PDE1C: variants seen among roughly 807,000 people sequenced by gnomAD.
PDE1C encodes dual specificity calcium/calmodulin-dependent 3',5'-cyclic nucleotide phosphodiesterase 1C.
PDE1C carries 62 observed loss-of-function variants against 93.1 expected under a neutral mutation model. The ratio of observed to expected loss-of-function variants is 0.67; its 90% CI spans 0.54 to 0.82. PDE1C has a LOEUF of 0.82. Ranked by LOEUF, PDE1C falls within the 40% of genes least tolerant of loss-of-function variation. The pLI is 0.00. For missense variants in PDE1C, 742 were observed against 884.6 expected (o/e 0.84, Z 2.04); for synonymous variants, 325 against 310.1 (o/e 1.05, Z -0.50).
intron 1 of PDE1C, among the ~76,000 whole-genome samples, chr7:32,297,514 C>T (rs1047695702): frequency 1.3e-5 from 2 of 152,094 alleles, no homozygotes; most frequent in African/African-American, 2.4e-5. Context: ...GTTCTACTCA[C>T]CTCCAAGGAA....
At chr7:32,030,988 T>C (rs1790230914) in intron 2 of PDE1C, among the ~76,000 whole-genome samples, 1 of 152,168 alleles carries the variant, frequency 6.6e-6, no homozygotes, top group South Asian at 2.1e-4. Flanking sequence ...ACTACATGAA[T>C]TGTGGATAAC....
intron 1 of PDE1C, among the ~76,000 whole-genome samples, chr7:32,392,804 A>C (rs1784774187): frequency 6.6e-6 from 1 of 152,070 alleles, no homozygotes; most frequent in Non-Finnish European, 1.5e-5. Flanking sequence ...TAATCCAAGC[A>C]CTTTGGGAGG....
chr7:31,790,167 GAGA>G lies in PDE1C; in HGVS notation c.1892-14438_1892-14436del, dbSNP rs528264993. 1,241 of 1,602,056 alleles carry G rather than the reference GAGA, an allele frequency of 7.7e-4. 28 individuals carry two copies. The South Asian group carries it at 0.013, about 16-fold the overall frequency. On this transcript the variant is annotated intron_variant, in intron 16 of 17. Coordinates refer to ENST00000396191, the MANE Select transcript of PDE1C (RefSeq NM_001191057.4). ...CAGATATGGGTCTTTGTGGAAGAAG[GAGA>G]AGAAGGAGAATGAAGAAGCTCAGCT... is the stretch of plus-strand genomic sequence containing the variant.
At chr7:31,859,446 TTAA>T (rs957305610) in intron 7 of PDE1C, among the ~76,000 whole-genome samples, 2 of 135,426 alleles carry the variant, frequency 1.5e-5, no homozygotes, top group African/African-American at 2.6e-5. Context: ...TCCTATAACT[TTAA>T]TAATATAAAT....
At chr7:31,915,615 C>G (rs2080624193) in intron 2 of PDE1C, among the ~76,000 whole-genome samples, 1 of 152,184 alleles carries the variant, frequency 6.6e-6, no homozygotes, top group Admixed American at 6.5e-5. Context: ...ACTAACTTCT[C>G]TGTGTCTTGG....
At chr7:31,763,082 G>T (rs1016036079) in intron 17 of PDE1C, among the ~76,000 whole-genome samples, 1 of 152,142 alleles carries the variant, frequency 6.6e-6, no homozygotes, top group East Asian at 1.9e-4. Flanking sequence ...ACATCAGTAT[G>T]TTTGTAATGC....
chr7:31,859,270 G>A (rs1290071226), intron 7 of PDE1C, among the ~76,000 whole-genome samples: 1 of 149,544 alleles, frequency 6.7e-6, no homozygotes, highest in Admixed American at 6.7e-5. Flanking sequence ...CACAGTATTA[G>A]AGACTTATTT....
chr7:31,900,060 T>A (rs1799784854), intron 2 of PDE1C, among the ~76,000 whole-genome samples: 1 of 152,188 alleles, frequency 6.6e-6, no homozygotes, highest in Non-Finnish European at 1.5e-5. Context: ...AAGTGTAGTA[T>A]TTTTTCATAT....
chr7:32,098,225 G>A (rs1199804123), intron 3 of PDE1C, among the ~76,000 whole-genome samples: 6 of 17,794 alleles, frequency 3.4e-4, no homozygotes, highest in East Asian at 1.1e-3. Flanking sequence ...GCGAGACTCC[G>A]TCTCAAAAAA....
chr7:32,280,330 C>T (rs1811546456), intron 1 of PDE1C, among the ~76,000 whole-genome samples: 1 of 151,752 alleles, frequency 6.6e-6, no homozygotes, highest in African/African-American at 2.4e-5. Flanking sequence ...ATGTATAAAG[C>T]TAAAACTGAA....
chr7:32,315,240 A>C (rs905255662), intron 1 of PDE1C, among the ~76,000 whole-genome samples: 5 of 152,010 alleles, frequency 3.3e-5, no homozygotes, highest in African/African-American at 1.2e-4. Context: ...AGTTTAAATC[A>C]GATGTTGCAA....
chr7:31,690,047 G>C, the PDE1C span, among the ~76,000 whole-genome samples: 3 of 152,162 alleles, frequency 2.0e-5, no homozygotes, highest in Non-Finnish European at 2.9e-5. Flanking sequence ...CCTTGTCCAG[G>C]GGCCTCTGAC....
intron 2 of PDE1C, among the ~76,000 whole-genome samples, chr7:32,028,256 C>T (rs1789759616): frequency 6.6e-6 from 1 of 152,048 alleles, no homozygotes. Flanking sequence ...TAGTGGTTAC[C>T]ATATTGAACA....
At chr7:31,720,808 T>G in the PDE1C span, among the ~76,000 whole-genome samples, 2 of 152,230 alleles carry the variant, frequency 1.3e-5, no homozygotes, top group African/African-American at 4.8e-5. Flanking sequence ...AATGTACATT[T>G]GCCAAGAGTA....
chr7:32,028,049 C>G (rs1789728483), intron 2 of PDE1C, among the ~76,000 whole-genome samples: 1 of 152,260 alleles, frequency 6.6e-6, no homozygotes, highest in South Asian at 2.1e-4. Flanking sequence ...TCCTGATTGA[C>G]AGCTAGAGCA....
chr7:31,843,389 A>G (rs1244365561), intron 9 of PDE1C, among the ~76,000 whole-genome samples: 2 of 151,918 alleles, frequency 1.3e-5, no homozygotes, highest in Non-Finnish European at 2.9e-5. Flanking sequence ...CAGTTACCTA[A>G]TAGTTATTTA....
chr7:32,077,188 C>T (rs1210695078), intron 3 of PDE1C, among the ~76,000 whole-genome samples: 5 of 151,800 alleles, frequency 3.3e-5, no homozygotes, highest in African/African-American at 9.7e-5. Context: ...TGCAGTGAGC[C>T]GAGATTATGC....
chr7:32,080,646 T>C (rs1796610634), intron 3 of PDE1C, among the ~76,000 whole-genome samples: 1 of 152,234 alleles, frequency 6.6e-6, no homozygotes, highest in Non-Finnish European at 1.5e-5. Context: ...TTCATGTGAC[T>C]CAGCACACAA....
chr7:32,319,546 T>G (rs1384266142), intron 1 of PDE1C, among the ~76,000 whole-genome samples: 1 of 152,182 alleles, frequency 6.6e-6, no homozygotes, highest in Non-Finnish European at 1.5e-5. Context: ...AGGGCCATGG[T>G]CTAGGGGAGG....
Sources: gnomAD v4.1 joint callset for allele counts (sites outside exome capture counted in the v4.1 genomes callset) on GRCh38, gnomAD v4.1.1 for gene constraint, MANE v1.5 for transcripts, NCBI Gene and HGNC (gene_info 2026-07-23, HGNC 2026-07-21) for gene names.